Variants in ATRX observed in about 807,000 individuals in gnomAD.
The protein encoded by ATRX is chromatin remodeler ATRX.
A neutral mutation model predicts 172.6 loss-of-function variants in ATRX; 12 were observed. The observed-to-expected ratio is 0.07, with a 90% CI of 0.04 to 0.11. The LOEUF (loss-of-function observed/expected upper bound fraction) is 0.11. Ranked by LOEUF, ATRX falls within the 10% of genes least tolerant of loss-of-function variation. The pLI is 1.00. For synonymous variants in ATRX, 674 were observed against 594.7 expected, an observed-to-expected ratio of 1.13 and a Z score of -1.94; for missense variants, 1,368 against 1,767.4, an observed-to-expected ratio of 0.77 and a Z score of 4.05.
intron 1 of ATRX, among the ~76,000 whole-genome samples, chrX:77,766,017 C>T (rs2075902168): frequency 8.9e-6 from 1 of 111,786 alleles, no homozygotes; most frequent in Non-Finnish European, 1.9e-5. Context: ...GGTAAGGTCA[C>T]AGATCAACAG....
At chrX:77,705,984 T>A (rs1021885329) in intron 2 of ATRX, among the ~76,000 whole-genome samples, 2 of 109,574 alleles carry the variant, frequency 1.8e-5, no homozygotes, top group African/African-American at 6.7e-5. Flanking sequence ...CCAGCTGATT[T>A]TTTTTTTAAT....
Position 77,681,485 on chromosome X carries a change from T to C in ATRX, c.3736+35A>G, listed in dbSNP as rs374059493. 4.8e-5 allele frequency: 56 copies of C among 1,174,624 alleles called. No individual in the cohort carries two copies. In the African/African-American group the frequency reaches 6.0e-4, roughly 13 times the overall value. ...AATGTAGTAACTCAAGAGGGGGAAG[T>C]ACAAATTATGAATTTTTTATTTATT... is the stretch of plus-strand genomic sequence containing the variant. On this transcript the variant is annotated intron_variant, in intron 9 of 34. Coordinates refer to ENST00000373344, the MANE Select transcript of ATRX (RefSeq NM_000489.6).
At chrX:77,781,238 C>A (rs2076556922) in intron 1 of ATRX, among the ~76,000 whole-genome samples, 1 of 110,259 alleles carries the variant, frequency 9.1e-6, no homozygotes, top group South Asian at 3.8e-4. Flanking sequence ...GTCAGGAGAT[C>A]GAGACCATCC....
intron 32 of ATRX, 28 bp from the exon 33 acceptor site, chrX:77,521,526 T>C (rs782797419): frequency 2.7e-6 from 3 of 1,092,905 alleles, no homozygotes; most frequent in South Asian, 3.7e-5. Context: ...ATAAGTTATA[T>C]AAGGCAGAAA....
At position 77,638,467 on chromosome X, in the gene ATRX, C is replaced by T. The variant is rs781992377; in HGVS notation, c.4558-2411G>A. Among the ~76,000 whole-genome samples the T allele has an allele frequency of 6.2e-5, 7 of 112,546 alleles. No individual in the cohort carries two copies. The South Asian group carries it at 1.1e-3, about 18-fold the overall frequency. On this transcript the variant is annotated intron_variant, in intron 15 of 34. Coordinates refer to ENST00000373344, the MANE Select transcript of ATRX (RefSeq NM_000489.6). ...TAGCCTGGGCGACAGAGTGAGACTC[C>T]GTCTCAAAAGAAAAAGAAAATTATC...
chrX:77,635,071 C>T (rs45474494), intron 16 of ATRX, among the ~76,000 whole-genome samples: 1,218 of 111,411 alleles, frequency 0.011, 20 homozygotes, highest in Admixed American at 0.058. Context: ...CACTTGAGGT[C>T]AGGAGTTCGA....
Position 77,563,740 on chromosome X carries a change from T to C in ATRX, c.6327-4894A>G, listed in dbSNP as rs184200174. On this transcript the variant is annotated intron_variant, in intron 28 of 34. Transcript: ENST00000373344. ...GTGTGTGTGTGTGTGTGTGTGTGTGTAGACATATTACGGCATTAGCCTCAC... is the reference window on the plus strand; with the variant it reads ...GTGTGTGTGTGTGTGTGTGTGTGTGCAGACATATTACGGCATTAGCCTCAC... Among the ~76,000 whole-genome samples, 187 of 102,911 alleles carry C rather than the reference T, an allele frequency of 1.8e-3. 2 individuals are homozygous for C. The highest frequency in any genetic ancestry group is 5.9e-3 in the African/African-American group (169 of 28,415). The allele number at this position is 102,911 out of a possible 115,157, so 89.4% of individuals were successfully genotyped here.
At chrX:77,548,589 T>C (rs2064336848) in intron 30 of ATRX, among the ~76,000 whole-genome samples, 3 of 112,347 alleles carry the variant, frequency 2.7e-5, no homozygotes, top group African/African-American at 9.7e-5. Flanking sequence ...TTTGAACCTT[T>C]ATTCTCAAAA....
intron 12 of ATRX, among the ~76,000 whole-genome samples, chrX:77,657,671 A>G (rs902463421): frequency 1.8e-5 from 2 of 112,031 alleles, no homozygotes; most frequent in Admixed American, 1.9e-4. Context: ...TAAATGTGGA[A>G]GTAATGAAAT....
intron 30 of ATRX, among the ~76,000 whole-genome samples, chrX:77,556,272 AGAGAGGG>A (rs1557058967): frequency 2.1e-4 from 10 of 46,924 alleles, no homozygotes; most frequent in African/African-American, 8.6e-4. Context: ...GGAGAGAGGG[AGAGAGGG>A]AGAGGGAGAG....
intron 20 of ATRX, 59 bp downstream of exon 20, chrX:77,620,336 C>A: frequency 8.6e-7 from 1 of 1,162,552 alleles, no homozygotes; most frequent in Non-Finnish European, 1.2e-6. Context: ...GGTAACGTTA[C>A]AAAAATATAT....
chrX:77,662,952 C>A (rs1228913381), intron 12 of ATRX, among the ~76,000 whole-genome samples: 1 of 112,143 alleles, frequency 8.9e-6, no homozygotes, highest in East Asian at 2.8e-4. Flanking sequence ...GACTTGGCCT[C>A]CCAAAGTGCT....
chrX:77,656,727 A>T (rs1557120074), intron 12 of ATRX, 74 bp from the exon 13 acceptor site: 5 of 835,657 alleles, frequency 6.0e-6, no homozygotes. Context: ...TTTACCACTG[A>T]CTCGACATTA....
At chrX:77,699,104 T>C (rs1603246972) in intron 2 of ATRX, among the ~76,000 whole-genome samples, 2 of 109,267 alleles carry the variant, frequency 1.8e-5, no homozygotes, top group South Asian at 7.9e-4. Flanking sequence ...AAAAAAAAAA[T>C]CAATAAAACC....
chrX:77,723,288 G>C (rs782007568), intron 1 of ATRX, among the ~76,000 whole-genome samples: 1 of 111,117 alleles, frequency 9.0e-6, no homozygotes, highest in East Asian at 2.8e-4. Flanking sequence ...TATTTACGCA[G>C]AAACAGTTAC....
intron 30 of ATRX, among the ~76,000 whole-genome samples, chrX:77,540,127 C>T (rs1272980614): frequency 9.0e-6 from 1 of 110,967 alleles, no homozygotes; most frequent in African/African-American, 3.3e-5. Flanking sequence ...GAATATTTAC[C>T]AAGCAAATGG....
chrX:77,585,298 A>G (rs1319363629), intron 27 of ATRX, among the ~76,000 whole-genome samples: 1 of 109,792 alleles, frequency 9.1e-6, no homozygotes, highest in African/African-American at 3.3e-5. Context: ...TCCCAGCCAG[A>G]CGCAGTGGCT....
chrX:77,550,526 A>T (rs1231544167), intron 30 of ATRX, among the ~76,000 whole-genome samples: 1 of 111,533 alleles, frequency 9.0e-6, no homozygotes, highest in Admixed American at 9.6e-5. Context: ...ATGGGCAAAA[A>T]CTGGAAGTAT....
At chrX:77,551,449 C>T (rs1421996679) in intron 30 of ATRX, among the ~76,000 whole-genome samples, 1 of 111,824 alleles carries the variant, frequency 8.9e-6, no homozygotes, top group East Asian at 2.8e-4. Flanking sequence ...CTTCCTTACG[C>T]CTTATACAAA....
Sources: gnomAD v4.1 joint callset for allele counts (sites outside exome capture counted in the v4.1 genomes callset) on GRCh38, gnomAD v4.1.1 for gene constraint, MANE v1.5 for transcripts, NCBI Gene and HGNC (gene_info 2026-07-23, HGNC 2026-07-21) for gene names.